LRRC69: variants seen among roughly 807,000 people sequenced by gnomAD.
LRRC69 encodes the protein leucine rich repeat containing 69, also known as leucine-rich repeat-containing protein 69.
Under a neutral mutation model 37.8 loss-of-function variants are expected in LRRC69, and 42 were observed. The ratio of observed to expected loss-of-function variants is 1.11; its 90% CI spans 0.87 to 1.44. The LOEUF is 1.44. LRRC69 is among the 40% of genes most tolerant of loss of function. LRRC69 has a pLI of 0.00. For synonymous variants in LRRC69, 141 were observed against 143.1 expected (o/e 0.99, Z 0.11); for missense variants, 357 against 401.9 (o/e 0.89, Z 0.96).
intron 7 of LRRC69, among the ~76,000 whole-genome samples, chr8:91,202,388 C>T (rs1809725482): frequency 6.6e-6 from 1 of 152,256 alleles, no homozygotes; most frequent in African/African-American, 2.4e-5. Context: ...GATGTTAGGA[C>T]TTCAACATAT....
chr8:91,191,310 T>TAC (rs1186246484), intron 6 of LRRC69, among the ~76,000 whole-genome samples: 1 of 152,180 alleles, frequency 6.6e-6, no homozygotes, highest in Non-Finnish European at 1.5e-5. Context: ...CAGTTGTATT[T>TAC]AATTTTTTAT....
intron 6 of LRRC69, among the ~76,000 whole-genome samples, chr8:91,197,440 G>T (rs1348633291): frequency 6.6e-6 from 1 of 152,052 alleles, no homozygotes; most frequent in Non-Finnish European, 1.5e-5. Context: ...CCCTCCCCCA[G>T]CCTCGCTGCC....
chr8:91,129,803 A>C (rs531767066), intron 3 of LRRC69, among the ~76,000 whole-genome samples: 5 of 151,620 alleles, frequency 3.3e-5, no homozygotes, highest in Admixed American at 2.0e-4. Flanking sequence ...CTTCCTTGTC[A>C]TCTCTCTCTG....
chr8:91,189,457 A>T (rs1314244117), intron 5 of LRRC69, 65 bp from the exon 6 acceptor site: 2 of 1,018,694 alleles, frequency 2.0e-6, no homozygotes, highest in Non-Finnish European at 2.9e-6. Flanking sequence ...TTTTATTAAA[A>T]ATGTAGCTTT....
At chr8:91,173,195 A>G (rs1809164572) in intron 5 of LRRC69, among the ~76,000 whole-genome samples, 1 of 151,940 alleles carries the variant, frequency 6.6e-6, no homozygotes. Context: ...TAGTCCACAG[A>G]GCTGCTTGGT....
intron 5 of LRRC69, among the ~76,000 whole-genome samples, chr8:91,158,922 A>G (rs998356071): frequency 4.0e-5 from 6 of 151,274 alleles, no homozygotes; most frequent in African/African-American, 2.4e-5. Flanking sequence ...ATTTTTTGCA[A>G]ATGGAAACAT....
At chr8:91,215,033 T>G (rs374449982) in intron 7 of LRRC69, among the ~76,000 whole-genome samples, 1 of 152,172 alleles carries the variant, frequency 6.6e-6, no homozygotes, top group East Asian at 1.9e-4. Context: ...ATCACCTCAC[T>G]TGGACCTTCT....
chr8:91,190,886 C>T (rs1304191183), intron 6 of LRRC69, among the ~76,000 whole-genome samples: 1 of 152,006 alleles, frequency 6.6e-6, no homozygotes, highest in Non-Finnish European at 1.5e-5. Context: ...GAGACCCCAT[C>T]TCTACAAAAT....
intron 5 of LRRC69, among the ~76,000 whole-genome samples, chr8:91,168,990 T>A (rs750795029): frequency 2.0e-5 from 3 of 151,944 alleles, no homozygotes; most frequent in Non-Finnish European, 4.4e-5. Flanking sequence ...TTTAAAATCT[T>A]GGGACTAACG....
intron 5 of LRRC69, among the ~76,000 whole-genome samples, chr8:91,179,226 G>A (rs1809284304): frequency 6.6e-6 from 1 of 152,178 alleles, no homozygotes; most frequent in African/African-American, 2.4e-5. Context: ...AGGTTGTACA[G>A]GAAGCATAGT....
At chr8:91,118,372 A>T in intron 1 of LRRC69, 7 of 49,132 alleles carry the variant, frequency 1.4e-4, no homozygotes, top group South Asian at 2.9e-4. Context: ...AAAAAAAAAA[A>T]AAAAAAAAAA....
At chr8:91,150,651 G>A (rs1260305362) in intron 5 of LRRC69, among the ~76,000 whole-genome samples, 1 of 151,646 alleles carries the variant, frequency 6.6e-6, no homozygotes, top group East Asian at 1.9e-4. Flanking sequence ...AATAGTTTCA[G>A]AAGGAATGGT....
chr8:91,199,877 A>T (rs965287535), intron 6 of LRRC69, among the ~76,000 whole-genome samples: 1 of 152,224 alleles, frequency 6.6e-6, no homozygotes, highest in African/African-American at 2.4e-5. Context: ...ATGAAAGGCA[A>T]CTTCCATTTT....
At chr8:91,218,928 C>T in exon 8 of LRRC69, 1 of 1,550,728 alleles carries the variant, frequency 6.4e-7, no homozygotes, top group Non-Finnish European at 8.7e-7. Context: ...TGGTGCCTCT[C>T]CAAGTATTAA....
At chr8:91,113,960 C>T (rs541342185) in intron 1 of LRRC69, among the ~76,000 whole-genome samples, 10 of 105,214 alleles carry the variant, frequency 9.5e-5, no homozygotes, top group South Asian at 3.3e-4. Context: ...CACAACATTG[C>T]GAGACTTGTC....
At chr8:91,121,538 C>T (rs141576519) in intron 1 of LRRC69, among the ~76,000 whole-genome samples, 72 of 152,166 alleles carry the variant, frequency 4.7e-4, no homozygotes, top group Non-Finnish European at 8.7e-4. Flanking sequence ...ACAATTTCTT[C>T]TTCCTTATTG....
rs745488613 is a variant in LRRC69, at chr8:91,105,108, A to G, written c.183+2264A>G. ...AAGAAATTACACCACTAAGAATTCA[A>G]CTGATTTGCAACTAGGCTGCTTATA... On this transcript the variant is annotated intron_variant, in intron 1 of 7. Coordinates refer to ENST00000448384, the Ensembl canonical transcript of LRRC69. Among the ~76,000 whole-genome samples, 41 of 152,114 alleles carry G rather than the reference A, an allele frequency of 2.7e-4. No individual in the cohort carries two copies. The Middle Eastern group carries it at 0.01, about 38-fold the overall frequency.
chr8:91,135,552 G>A (rs989383243), intron 4 of LRRC69, 116 bp from the exon 5 acceptor site: 11 of 609,678 alleles, frequency 1.8e-5, no homozygotes, highest in Middle Eastern at 3.0e-4. Context: ...GGTCAGTACA[G>A]TGATTAGAAA....
At chr8:91,198,427 CT>C in intron 6 of LRRC69, among the ~76,000 whole-genome samples, 1 of 152,246 alleles carries the variant, frequency 6.6e-6, no homozygotes, top group Admixed American at 6.5e-5. Context: ...GCTCTTGATG[CT>C]ACGTTTTAGT....
Sources: allele counts gnomAD v4.1 joint callset (sites outside exome capture counted in the v4.1 genomes callset), GRCh38; gene constraint gnomAD v4.1.1; transcripts MANE v1.5; gene names NCBI Gene and HGNC (gene_info 2026-07-23, HGNC 2026-07-21).